The following BRAP variants were observed in gnomAD, a reference collection of about 807,000 sequenced individuals.
BRAP encodes BRCA1 associated protein.
In BRAP, 42 loss-of-function variants were observed where a neutral mutation model predicts 73.4. The observed-to-expected ratio is 0.57, with a 90% CI of 0.45 to 0.74. BRAP has a LOEUF of 0.74. BRAP is among the 30% of genes least tolerant of loss of function. The pLI, the probability that BRAP is intolerant of heterozygous loss-of-function variation, is 0.00. For synonymous variants in BRAP, 255 were observed against 267.4 expected, an observed-to-expected ratio of 0.95 and a Z score of 0.45; for missense variants, 593 against 751.4, an observed-to-expected ratio of 0.79 and a Z score of 2.46.
In BRAP at chr12:111,665,370, CT is replaced by C. The variant is rs1886900523; in HGVS notation, c.896+268del. Among the ~76,000 whole-genome samples, 1 of 151,990 alleles carries C rather than the reference CT, an allele frequency of 6.6e-6. No homozygotes were observed. The highest frequency in any genetic ancestry group is 1.5e-5 in the Non-Finnish European group (1 of 68,002). On this transcript the variant is annotated intron_variant, in intron 6 of 11. Coordinates refer to ENST00000419234, the MANE Select transcript of BRAP (RefSeq NM_006768.5). This position sits in a 1 kb window ranked among gnomAD's most constrained non-coding sequence, Gnocchi z 4.3. Reference sequence around the variant, plus strand: ...TGCAGCACGAGAGCCTCAAACTAAGCTTTGCTTTTTTTTTTCACTCTCTGGC... The same window carrying C: ...TGCAGCACGAGAGCCTCAAACTAAGCTTGCTTTTTTTTTTCACTCTCTGGC...
intron 11 of BRAP, among the ~76,000 whole-genome samples, chr12:111,645,023 CT>C (rs1359951298): frequency 6.6e-6 from 1 of 151,608 alleles, no homozygotes; most frequent in Non-Finnish European, 1.5e-5. Context: ...TTCCAAAGTA[CT>C]GGGATTACAG....
chr12:111,659,866 T>G (rs1886678295), intron 7 of BRAP, among the ~76,000 whole-genome samples: 1 of 151,938 alleles, frequency 6.6e-6, no homozygotes, highest in Non-Finnish European at 1.5e-5. Context: ...AATGTTTTTT[T>G]TGTAGAAAAA....
intron 4 of BRAP, among the ~76,000 whole-genome samples, chr12:111,675,377 T>C (rs1887342092): frequency 6.6e-6 from 1 of 151,682 alleles, no homozygotes; most frequent in Non-Finnish European, 1.5e-5. Context: ...AAGTACTTTT[T>C]TGTAATGACA....
intron 4 of BRAP, among the ~76,000 whole-genome samples, chr12:111,674,778 C>T (rs75296435): frequency 1.3e-5 from 2 of 152,282 alleles, no homozygotes; most frequent in East Asian, 3.9e-4. Context: ...TATGGCTTCC[C>T]CCATTCTTCA....
intron 6 of BRAP, among the ~76,000 whole-genome samples, chr12:111,662,946 A>T (rs1308496590): frequency 8.1e-6 from 1 of 124,158 alleles, no homozygotes; most frequent in Non-Finnish European, 1.8e-5. Context: ...AAGCCCTTCT[A>T]AAAAAAAAAA....
Position 111,665,636 on chromosome 12 carries a change from C to CA in BRAP, c.896+2dup. On this transcript the variant is annotated splice_region_variant and intron_variant, in intron 6 of 11. Coordinates refer to ENST00000419234, the MANE Select transcript of BRAP (RefSeq NM_006768.5). The surrounding 1 kb of genome is among the most constrained non-coding windows in gnomAD (Gnocchi z 4.3). Reference sequence around the variant, plus strand: ...CACAGAGGGGTTCGGCCCCTGCACTCACGTGGTATCGTCCCAGCGCTGTAG... The same window carrying CA: ...CACAGAGGGGTTCGGCCCCTGCACTCAACGTGGTATCGTCCCAGCGCTGTAG... 6.2e-7 allele frequency: 1 copy of CA among 1,614,122 alleles called. No individual in the cohort carries two copies. Among genetic ancestry groups the CA allele is most frequent in the Non-Finnish European group, 8.5e-7 (1 of 1,180,012 alleles).
At chr12:111,669,926 C>T (rs960573548) in intron 5 of BRAP, 2 of 626,282 alleles carry the variant, frequency 3.2e-6, no homozygotes, top group Non-Finnish European at 5.8e-6. Flanking sequence ...ATCAAAAAAC[C>T]CATGCTTTCT....
At chr12:111,676,913 A>T (rs1181237185) in intron 4 of BRAP, among the ~76,000 whole-genome samples, 4 of 151,928 alleles carry the variant, frequency 2.6e-5, no homozygotes, top group Non-Finnish European at 5.9e-5. Context: ...GATGATAGGG[A>T]TTAGCCCCTA....
rs565580287 is a variant in BRAP at position 111,649,997 on chromosome 12, C to T, written c.1357G>A (p.Asp453Asn). The change falls in exon 11 of 12, where the codon GAT becomes AAT. Residue 453 changes from aspartate to asparagine, a missense_variant. Transcript: ENST00000419234. ...TKFKETIEKC[D>N]NLEHKLNDLL... Reference sequence around the variant, plus strand: ...TCATTTAGTTTGTGCTCTAGATTATCACACTTCTCAATTGTTTCTTTAAAC... The same window carrying T: ...TCATTTAGTTTGTGCTCTAGATTATTACACTTCTCAATTGTTTCTTTAAAC... The T allele has an allele frequency of 6.2e-7, 1 of 1,612,068 alleles. No homozygotes were observed. Among genetic ancestry groups the T allele is most frequent in the Non-Finnish European group, 8.5e-7 (1 of 1,178,634 alleles).
chr12:111,646,764 T>A (rs549376930), intron 11 of BRAP, among the ~76,000 whole-genome samples: 1 of 152,160 alleles, frequency 6.6e-6, no homozygotes, highest in Non-Finnish European at 1.5e-5. Flanking sequence ...CAGAGCAAGA[T>A]TCCGTCTCAA....
At chr12:111,648,474 T>A (rs1886196667) in intron 11 of BRAP, among the ~76,000 whole-genome samples, 1 of 138,544 alleles carries the variant, frequency 7.2e-6, no homozygotes, top group African/African-American at 2.7e-5. Context: ...TAACTGGGTG[T>A]GGTGGTGTGC....
At chr12:111,677,596 CAGTG>C (rs1342253964) in intron 4 of BRAP, among the ~76,000 whole-genome samples, 2 of 152,186 alleles carry the variant, frequency 1.3e-5, no homozygotes, top group Non-Finnish European at 2.9e-5. Flanking sequence ...ACACTTAGCA[CAGTG>C]AGTGATACAG....
intron 9 of BRAP, among the ~76,000 whole-genome samples, chr12:111,656,993 C>T (rs1886560366): frequency 6.6e-6 from 1 of 152,120 alleles, no homozygotes; most frequent in African/African-American, 2.4e-5. Context: ...CAAGCCTTGC[C>T]CTCCTGAAGT....
intron 6 of BRAP, among the ~76,000 whole-genome samples, chr12:111,661,031 G>A (rs1886732146): frequency 6.6e-6 from 1 of 151,436 alleles, no homozygotes; most frequent in South Asian, 2.1e-4. Flanking sequence ...CTGGGCTGGA[G>A]TGCAGTGGTG....
At chr12:111,685,680 A>C (rs1170125113) in intron 1 of BRAP, 31 bp downstream of exon 1, 2 of 1,591,130 alleles carry the variant, frequency 1.3e-6, no homozygotes, top group South Asian at 1.1e-5. Context: ...AGACCCGGCT[A>C]CAGGGAATGC....
At chr12:111,667,557 G>A (rs868369530) in intron 5 of BRAP, among the ~76,000 whole-genome samples, 3 of 151,594 alleles carry the variant, frequency 2.0e-5, no homozygotes, top group Non-Finnish European at 4.4e-5. Context: ...AAAATTAGCC[G>A]GGTGTGGTCG....
intron 4 of BRAP, among the ~76,000 whole-genome samples, chr12:111,674,389 T>A (rs2135924409): frequency 6.6e-6 from 1 of 152,284 alleles, no homozygotes; most frequent in South Asian, 2.1e-4. Context: ...ATTATAGGCA[T>A]ACGCCACCAC....
In BRAP at chr12:111,644,076, A is replaced by T; in HGVS notation, c.*123T>A. On this transcript the variant is annotated 3_prime_UTR_variant, in exon 12 of 12. Coordinates refer to ENST00000419234, the MANE Select transcript of BRAP (RefSeq NM_006768.5). ...CACACACTAGCAAATGAAAGAGCCAAACAACTGTGGCTTGATCCTCACTTG... is the reference window on the plus strand; with the variant it reads ...CACACACTAGCAAATGAAAGAGCCATACAACTGTGGCTTGATCCTCACTTG... 7.2e-7 allele frequency: 1 copy of T among 1,387,886 alleles called. No homozygotes were observed. The highest frequency in any genetic ancestry group is 2.6e-5 in the Admixed American group (1 of 39,170). The allele number at this position is 1,387,886 out of a possible 1,614,324, so 86.0% of individuals were successfully genotyped here. A position where few individuals can be genotyped will look rare whatever the true frequency, so the allele number is the denominator to read the frequency against.
intron 4 of BRAP, 195 bp from the exon 5 acceptor site, chr12:111,672,969 T>C (rs930903609): frequency 3.9e-6 from 2 of 516,684 alleles, no homozygotes; most frequent in African/African-American, 1.9e-5. Context: ...CAATATTCCA[T>C]GTTTACAGTA....
Sources: allele counts gnomAD v4.1 joint callset (sites outside exome capture counted in the v4.1 genomes callset), GRCh38; gene constraint gnomAD v4.1.1; non-coding constraint Gnocchi (gnomAD v3.1); transcripts MANE v1.5; gene names NCBI Gene and HGNC (gene_info 2026-07-23, HGNC 2026-07-21).